SLC10A4: variants seen among roughly 807,000 people sequenced by gnomAD.
SLC10A4 encodes the protein solute carrier family 10 member 4, also known as putative sodium/bile acid cotransporter 4.
SLC10A4 carries 17 observed loss-of-function variants against 22.5 expected under a neutral mutation model. The observed-to-expected ratio is 0.76, with a 90% CI of 0.52 to 1.14. The LOEUF is 1.14. Among genes scored for constraint, SLC10A4 ranks in the 50% most tolerant of loss-of-function variants. The pLI is 0.00. For synonymous variants in SLC10A4, 257 were observed against 258.2 expected (o/e 1.00, Z 0.04); for missense variants, 548 against 584.0 (o/e 0.94, Z 0.64).
Position 48,483,544 on chromosome 4 carries a change from C to A in SLC10A4, c.-18C>A. 6.7e-7 allele frequency: 1 copy of A among 1,489,684 alleles called. No individual in the cohort carries two copies. The highest frequency in any genetic ancestry group is 1.3e-5 in the South Asian group (1 of 79,474). The allele number at this position is 1,489,684 out of a possible 1,614,324, so 92.3% of individuals were successfully genotyped here. On this transcript the variant is annotated 5_prime_UTR_variant, in exon 1 of 3. Coordinates refer to ENST00000273861, the MANE Select transcript of SLC10A4 (RefSeq NM_152679.4). This position sits in a 1 kb window ranked among gnomAD's most constrained non-coding sequence, Gnocchi z 5.4. ...CACGCGGCGGGAGGGGACCGGAATC[C>A]GCAGCTCCGGCCGCGCCATGGACGG...
At chr4:48,485,859 A>AT (rs1203973781) in intron 2 of SLC10A4, among the ~76,000 whole-genome samples, 1 of 152,126 alleles carries the variant, frequency 6.6e-6, no homozygotes, top group African/African-American at 2.4e-5. Context: ...TAAGGCTTTG[A>AT]TTTTTTAAAA....
chr4:48,488,915 G>A lies in SLC10A4; in HGVS notation c.1290G>A (p.Met430Ile), dbSNP rs755308934. 1 of 1,603,062 alleles carries A rather than the reference G, an allele frequency of 6.2e-7. No homozygotes were observed. The highest frequency in any genetic ancestry group is 1.1e-5 in the South Asian group (1 of 88,906). The part of the protein sequence containing the change: ...GTVKAENIIM[M>I]ETAQTSL ...TGAAAGCAGAAAATATAATAATGAT[G>A]GAAACCGCTCAGACTTCTCTCTAAA... The change falls in exon 3 of 3, where the codon ATG becomes ATA. Residue 430 changes from methionine (M) to isoleucine (I), a missense_variant. Physicochemically the swap from Met to Ile is conservative, Grantham distance 10. Coordinates refer to ENST00000273861, the MANE Select transcript of SLC10A4 (RefSeq NM_152679.4).
intron 2 of SLC10A4, among the ~76,000 whole-genome samples, chr4:48,485,450 A>C (rs1401926917): frequency 6.6e-6 from 1 of 152,214 alleles, no homozygotes; most frequent in Non-Finnish European, 1.5e-5. Flanking sequence ...ATGGCAACAT[A>C]TTTTCCACTA....
Position 48,485,060 on chromosome 4 carries a change from C to A in SLC10A4, c.719C>A (p.Thr240Asn), listed in dbSNP as rs772501127. 6.2e-7 allele frequency: 1 copy of A among 1,613,988 alleles called. No homozygotes were observed. Among genetic ancestry groups the A allele is most frequent in the Non-Finnish European group, 8.5e-7 (1 of 1,179,886 alleles). The change falls in exon 2 of 3, where the codon ACT (threonine) becomes AAT (asparagine). Residue 240 changes from threonine (T) to asparagine (N), a missense_variant. By Grantham distance (65) the Thr-to-Asn change is moderately conservative. Transcript: ENST00000273861. The part of the protein sequence containing the change: ...QLLPLGTVTL[T>N]LCSTLIPIGL... ...CTACCCCTAGGGACCGTGACCCTGA[C>A]TCTCTGCAGCACTCTCATACCTATC...
rs752875157 is a variant in SLC10A4 at position 48,485,094 on chromosome 4, C to T, written c.753C>T (p.Gly251=). The stretch of plus-strand genomic sequence containing the variant: ...GCACTCTCATACCTATCGGGTTGGG[C>T]GTCTTCATTCGCTACAAATACAGCC... ...LCSTLIPIGL[G]VFIRYKYSRV... The change falls in exon 2 of 3, where the codon GGC becomes GGT. Residue 251 remains glycine, a synonymous_variant. Coordinates refer to ENST00000273861, the MANE Select transcript of SLC10A4 (RefSeq NM_152679.4). 5.0e-6 allele frequency: 8 copies of T among 1,614,084 alleles called. No homozygotes were observed. The East Asian group carries it at 6.7e-5, about 13-fold the overall frequency.
In SLC10A4 at chr4:48,483,548, G is replaced by A; in HGVS notation, c.-14G>A. 2 of 1,492,228 alleles carry A rather than the reference G, an allele frequency of 1.3e-6. No individual in the cohort carries two copies. The highest frequency in any genetic ancestry group is 2.2e-5 in the Admixed American group (1 of 45,124). 92.4% of individuals were successfully genotyped at this position (1,492,228 alleles called of 1,614,324 possible). A position where few individuals can be genotyped will look rare whatever the true frequency, so the allele number is the denominator to read the frequency against. ...CGGCGGGAGGGGACCGGAATCCGCA[G>A]CTCCGGCCGCGCCATGGACGGCAAC... On this transcript the variant is annotated 5_prime_UTR_variant, in exon 1 of 3. Coordinates refer to ENST00000273861, the MANE Select transcript of SLC10A4 (RefSeq NM_152679.4). This position sits in a 1 kb window ranked among gnomAD's most constrained non-coding sequence, Gnocchi z 5.4.
In SLC10A4 at chr4:48,483,782, C is replaced by T. The variant is rs1248033073; in HGVS notation, c.221C>T (p.Ala74Val). 1.3e-6 allele frequency: 2 copies of T among 1,497,448 alleles called. No homozygotes were observed. Among genetic ancestry groups the T allele is most frequent in the Non-Finnish European group, 1.8e-6 (2 of 1,129,824 alleles). The allele number at this position is 1,497,448 out of a possible 1,614,324, so 92.8% of individuals were successfully genotyped here. A position where few individuals can be genotyped will look rare whatever the true frequency, so the allele number is the denominator to read the frequency against. ...PTPEPTTSGL[A>V]GGAASHGPSP... ...CCGGAGCCCACGACCAGCGGCCTCG[C>T]GGGCGGCGCGGCGAGCCACGGCCCT... Residue 74 changes from alanine (A) to valine (V), a missense_variant, in exon 1 of 3, where the codon GCG (alanine) becomes GTG (valine). Around this residue, in one of 3 missense-constraint regions of SLC10A4, gnomAD observed 225 missense variants for 206.9 expected, o/e 1.09. Transcript: ENST00000273861. The surrounding 1 kb of genome is among the most constrained non-coding windows in gnomAD (Gnocchi z 5.4).
intron 1 of SLC10A4, 63 bp downstream of exon 1, chr4:48,484,214 C>A (rs1280448690): frequency 1.4e-6 from 2 of 1,459,862 alleles, no homozygotes; most frequent in Non-Finnish European, 1.8e-6. Context: ...CGGCCGTGGG[C>A]TCACGACGAA....
chr4:48,488,226 C>T (rs1030638398), intron 2 of SLC10A4, among the ~76,000 whole-genome samples: 7 of 150,524 alleles, frequency 4.7e-5, no homozygotes, highest in African/African-American at 1.5e-4. Flanking sequence ...GACATAAGGA[C>T]AGGCCTCCAA....
At chr4:48,486,309 T>G (rs529828242) in intron 2 of SLC10A4, among the ~76,000 whole-genome samples, 1 of 152,124 alleles carries the variant, frequency 6.6e-6, no homozygotes, top group South Asian at 2.1e-4. Flanking sequence ...TATGTGTACA[T>G]GTAAATATGC....
At chr4:48,484,860 A>AT in intron 1 of SLC10A4, 72 bp from the exon 2 acceptor site, 2 of 1,446,212 alleles carry the variant, frequency 1.4e-6, no homozygotes, top group South Asian at 2.5e-5. Flanking sequence ...TCTACTCAAC[A>AT]TACAAGAAAA....
chr4:48,489,221 A>G lies in SLC10A4; in HGVS notation c.*282A>G. 3.7e-6 allele frequency: 1 copy of G among 273,224 alleles called. No individual in the cohort carries two copies. The highest frequency in any genetic ancestry group is 6.8e-6 in the Non-Finnish European group (1 of 146,960). 16.9% of individuals were successfully genotyped at this position (273,224 alleles called of 1,614,324 possible). On this transcript the variant is annotated 3_prime_UTR_variant, in exon 3 of 3. Transcript: ENST00000273861. ...ATTTCTATGACTGTTGCAAATACAG[A>G]ATCTATTAGAAAACAGGGTCTTGGA... is the stretch of plus-strand genomic sequence containing the variant.
At position 48,485,378 on chromosome 4, in the gene SLC10A4, T is replaced by C. The variant is rs182210031; in HGVS notation, c.801+236T>C. Among the ~76,000 whole-genome samples the C allele has an allele frequency of 2.9e-3, 446 of 152,330 alleles. 1 individual carries two copies. The highest frequency in any genetic ancestry group is 4.9e-3 in the Non-Finnish European group (330 of 68,028). ...TTAATCAAAACCAGCATAAGAGAACTATCAGTACTCATTGGAAGGAAACAG... is the reference window on the plus strand; with the variant it reads ...TTAATCAAAACCAGCATAAGAGAACCATCAGTACTCATTGGAAGGAAACAG... On this transcript the variant is annotated intron_variant, in intron 2 of 2. Coordinates refer to ENST00000273861, the MANE Select transcript of SLC10A4 (RefSeq NM_152679.4).
Position 48,483,929 on chromosome 4 carries a change from C to G in SLC10A4, c.368C>G (p.Thr123Arg). The G allele has an allele frequency of 6.5e-7, 1 of 1,543,528 alleles. No individual in the cohort carries two copies. Among genetic ancestry groups the G allele is most frequent in the Non-Finnish European group, 8.7e-7 (1 of 1,145,418 alleles). ...LCITMLGLGCTVDVNHFGAHV... is the reference protein window; with the variant it reads ...LCITMLGLGCRVDVNHFGAHV... ...ATCACCATGCTGGGCCTGGGCTGCA[C>G]GGTGGACGTGAACCACTTCGGGGCG... The change falls in exon 1 of 3, where the codon ACG (threonine) becomes AGG (arginine). Residue 123 changes from threonine (T) to arginine (R), a missense_variant. Thr to Arg is a moderately conservative substitution (Grantham distance 71). Coordinates refer to ENST00000273861, the MANE Select transcript of SLC10A4 (RefSeq NM_152679.4). The surrounding 1 kb of genome is among the most constrained non-coding windows in gnomAD (Gnocchi z 5.4).
chr4:48,487,743 G>A (rs1455038919), intron 2 of SLC10A4, among the ~76,000 whole-genome samples: 1 of 91,212 alleles, frequency 1.1e-5, no homozygotes, highest in East Asian at 3.5e-4. Context: ...TTGAAGAGCT[G>A]TTTTTCAGGA....
In SLC10A4 at chr4:48,488,511, A is replaced by T; in HGVS notation, c.886A>T (p.Ile296Phe). ...TMLGPELLASIPAAVYVIAIF... is the reference protein window; with the variant it reads ...TMLGPELLASFPAAVYVIAIF... ...GTTAGGACCTGAACTGCTGGCAAGTATCCCTGCAGCTGTTTATGTGATAGC... is the reference window on the plus strand; with the variant it reads ...GTTAGGACCTGAACTGCTGGCAAGTTTCCCTGCAGCTGTTTATGTGATAGC... The change falls in exon 3 of 3, where the codon ATC (isoleucine) becomes TTC (phenylalanine). Residue 296 changes from isoleucine (I) to phenylalanine (F), a missense_variant. Physicochemically the swap from Ile to Phe is conservative, Grantham distance 21. Around this residue, in one of 3 missense-constraint regions of SLC10A4, gnomAD observed 314 missense variants for 353.2 expected, o/e 0.89. Transcript: ENST00000273861. 6.2e-7 allele frequency: 1 copy of T among 1,613,928 alleles called. No individual in the cohort carries two copies. The highest frequency in any genetic ancestry group is 8.5e-7 in the Non-Finnish European group (1 of 1,179,982).
intron 2 of SLC10A4, among the ~76,000 whole-genome samples, 188 bp downstream of exon 2, chr4:48,485,330 GACAGCTTTAATTAAGAC>G (rs767736988): frequency 6.6e-5 from 10 of 152,212 alleles, no homozygotes; most frequent in Non-Finnish European, 1.2e-4. Flanking sequence ...TTCCTAGAAT[GACAGCTTTAATTAAGAC>G]ACAGCTTAAT....
At chr4:48,484,752 T>G (rs1336988932) in intron 1 of SLC10A4, among the ~76,000 whole-genome samples, 180 bp from the exon 2 acceptor site, 1 of 152,050 alleles carries the variant, frequency 6.6e-6, no homozygotes, top group Non-Finnish European at 1.5e-5. Flanking sequence ...GGGTTCATAA[T>G]TCCATCGGTG....
In SLC10A4 at chr4:48,488,962, CTA is replaced by C; in HGVS notation, c.*25_*26del. ...TAAATGTGGAGATACACAGGAGCTT[CTA>C]TCTTGCTGAAATATTGCTTCATATT... On this transcript the variant is annotated 3_prime_UTR_variant, in exon 3 of 3. Transcript: ENST00000273861. The C allele has an allele frequency of 1.3e-6, 2 of 1,549,374 alleles. No individual in the cohort carries two copies. Among genetic ancestry groups the C allele is most frequent in the Non-Finnish European group, 1.7e-6 (2 of 1,155,948 alleles).
Sources: allele counts gnomAD v4.1 joint callset (sites outside exome capture counted in the v4.1 genomes callset), GRCh38; gene constraint gnomAD v4.1.1; regional missense constraint gnomAD v4.1.1; non-coding constraint Gnocchi (gnomAD v3.1); transcripts MANE v1.5; gene names NCBI Gene and HGNC (gene_info 2026-07-23, HGNC 2026-07-21).